FBXL17: variants seen among roughly 807,000 people sequenced by gnomAD.
FBXL17 encodes F-box and leucine rich repeat protein 17, also known as F-box/LRR-repeat protein 17.
In FBXL17, 22 loss-of-function variants were observed where a neutral mutation model predicts 66.2. That is an observed-to-expected ratio of 0.33 (90% CI 0.24 to 0.47). FBXL17 has a LOEUF of 0.47. FBXL17 is among the 20% of genes least tolerant of loss of function. FBXL17 has a pLI of 1.00. For synonymous variants in FBXL17, 474 were observed against 400.5 expected (o/e 1.18, Z -2.19); for missense variants, 878 against 948.2 (o/e 0.93, Z 0.97).
chr5:108,101,590 G>A (rs540541820), intron 6 of FBXL17, among the ~76,000 whole-genome samples: 1 of 152,200 alleles, frequency 6.6e-6, no homozygotes, highest in Admixed American at 6.5e-5. Context: ...ACTAAATTGA[G>A]TTACCTCTGT....
chr5:108,310,691 T>A (rs1759072416), intron 4 of FBXL17, among the ~76,000 whole-genome samples: 1 of 152,176 alleles, frequency 6.6e-6, no homozygotes, highest in Non-Finnish European at 1.5e-5. Flanking sequence ...TGTTAGGAAA[T>A]CTGTTTAAAA....
intron 6 of FBXL17, among the ~76,000 whole-genome samples, chr5:108,079,098 C>G (rs762275089): frequency 6.6e-6 from 1 of 151,926 alleles, no homozygotes; most frequent in Non-Finnish European, 1.5e-5. Flanking sequence ...ATCCTCCTGC[C>G]TCAGCCTCCC....
intron 5 of FBXL17, among the ~76,000 whole-genome samples, chr5:108,194,851 C>A (rs561809914): frequency 9.9e-5 from 15 of 152,208 alleles, no homozygotes; most frequent in Non-Finnish European, 2.1e-4. Context: ...TGTCTTGGAA[C>A]AGGGCGAGCC....
chr5:108,189,465 A>C (rs918438312), intron 5 of FBXL17, among the ~76,000 whole-genome samples: 1 of 152,144 alleles, frequency 6.6e-6, no homozygotes, highest in African/African-American at 2.4e-5. Flanking sequence ...AGCTATGCAG[A>C]GCAAAGAGGA....
intron 7 of FBXL17, among the ~76,000 whole-genome samples, chr5:107,911,279 A>G (rs1032304929): frequency 2.0e-4 from 31 of 152,120 alleles, no homozygotes; most frequent in Admixed American, 5.9e-4. Context: ...ATCATAGGAA[A>G]AAGGATATTG....
chr5:108,336,273 T>C (rs1760379320), intron 4 of FBXL17, among the ~76,000 whole-genome samples: 1 of 152,318 alleles, frequency 6.6e-6, no homozygotes. Flanking sequence ...CTGAACTAAA[T>C]TTAATGCCAG....
intron 6 of FBXL17, among the ~76,000 whole-genome samples, chr5:108,053,461 C>T (rs1747562024): frequency 6.6e-6 from 1 of 151,932 alleles, no homozygotes; most frequent in South Asian, 2.1e-4. Flanking sequence ...TAGATTGCGC[C>T]ACTGCACTCC....
intron 7 of FBXL17, among the ~76,000 whole-genome samples, chr5:107,974,347 C>T (rs576792514): frequency 3.7e-4 from 56 of 152,086 alleles, no homozygotes; most frequent in African/African-American, 1.3e-3. Context: ...AAAAAAATTC[C>T]TTTACCTTCT....
At chr5:108,259,420 A>G (rs751898317) in intron 4 of FBXL17, among the ~76,000 whole-genome samples, 5 of 152,212 alleles carry the variant, frequency 3.3e-5, no homozygotes, top group Admixed American at 2.0e-4. Flanking sequence ...TGTATCCTCA[A>G]TGTAGCTGTA....
At chr5:108,274,289 G>A (rs560546422) in intron 4 of FBXL17, among the ~76,000 whole-genome samples, 1 of 152,244 alleles carries the variant, frequency 6.6e-6, no homozygotes, top group African/African-American at 2.4e-5. Flanking sequence ...ACGCCCGGGG[G>A]GGCCAGTTTA....
intron 4 of FBXL17, among the ~76,000 whole-genome samples, chr5:108,285,639 T>A (rs1466905082): frequency 2.0e-5 from 3 of 151,800 alleles, no homozygotes; most frequent in Non-Finnish European, 4.4e-5. Flanking sequence ...AAAAGCGGGC[T>A]TACAATATTC....
intron 6 of FBXL17, among the ~76,000 whole-genome samples, chr5:108,032,142 G>C (rs1459024471): frequency 6.6e-6 from 1 of 152,122 alleles, no homozygotes; most frequent in Non-Finnish European, 1.5e-5. Flanking sequence ...GAACAAAATA[G>C]TATTTCCTAA....
chr5:108,110,277 TGAAA>T (rs1001024711), intron 6 of FBXL17, among the ~76,000 whole-genome samples: 8 of 152,204 alleles, frequency 5.3e-5, no homozygotes, highest in Admixed American at 4.6e-4. Flanking sequence ...AAGTTTAATT[TGAAA>T]GAAATTCATC....
chr5:107,940,837 G>T (rs1321220344), intron 7 of FBXL17, among the ~76,000 whole-genome samples: 1 of 152,124 alleles, frequency 6.6e-6, no homozygotes, highest in African/African-American at 2.4e-5. Context: ...AACTTTGAAA[G>T]AAATACTGGG....
At chr5:108,156,638 T>C (rs1012990984) in intron 6 of FBXL17, among the ~76,000 whole-genome samples, 2 of 151,994 alleles carry the variant, frequency 1.3e-5, no homozygotes, top group Non-Finnish European at 2.9e-5. Flanking sequence ...TATAAATGTG[T>C]TGTTATAAAA....
chr5:108,251,559 C>CA (rs1317393546), intron 4 of FBXL17, among the ~76,000 whole-genome samples: 2 of 151,958 alleles, frequency 1.3e-5, no homozygotes, highest in Non-Finnish European at 2.9e-5. Context: ...GTCTGGTTTT[C>CA]AAAATTCATA....
At chr5:108,081,880 T>C (rs773828004) in intron 6 of FBXL17, among the ~76,000 whole-genome samples, 3 of 152,062 alleles carry the variant, frequency 2.0e-5, no homozygotes, top group Non-Finnish European at 2.9e-5. Context: ...GCTTCTACTC[T>C]CTCCGAGTAA....
In FBXL17 at chr5:107,881,023, T is replaced by C. The variant is rs951979774; in HGVS notation, c.1965+14A>G. ...GATATGTAGAAAGCAAACAACTTGATAGTCAACTCTTACTTTATCACATCT... is the reference window on the plus strand; with the variant it reads ...GATATGTAGAAAGCAAACAACTTGACAGTCAACTCTTACTTTATCACATCT... On this transcript the variant is annotated intron_variant, in intron 8 of 8. Transcript: ENST00000542267. The C allele has an allele frequency of 2.5e-6, 4 of 1,613,984 alleles. No homozygotes were observed. Among genetic ancestry groups the C allele is most frequent in the African/African-American group, 1.3e-5 (1 of 74,922 alleles).
rs139481685 is a variant in FBXL17, at chr5:108,272,056, C to T, written c.1507-47828G>A. Among the ~76,000 whole-genome samples, 551 of 152,156 alleles carry T rather than the reference C, an allele frequency of 3.6e-3. 2 individuals carry two copies. The highest frequency in any genetic ancestry group is 6.2e-3 in the Non-Finnish European group (423 of 67,990). ...CTGTAATCCCAGCACTTTGGGAGGC[C>T]GAGATGGGAGGATCACGAGGTCATG... On this transcript the variant is annotated intron_variant, in intron 4 of 8. Coordinates refer to ENST00000542267, the MANE Select transcript of FBXL17 (RefSeq NM_001163315.3).
Sources: gnomAD v4.1 joint callset for allele counts (sites outside exome capture counted in the v4.1 genomes callset) on GRCh38, gnomAD v4.1.1 for gene constraint, MANE v1.5 for transcripts, NCBI Gene and HGNC (gene_info 2026-07-23, HGNC 2026-07-21) for gene names.